BTD: variants seen among roughly 807,000 people sequenced by gnomAD.
BTD encodes biocytinase.
A neutral mutation model predicts 17.7 loss-of-function variants in BTD; 13 were observed. That is an observed-to-expected ratio of 0.74 (90% CI 0.48 to 1.17). The LOEUF is 1.17. Ranked by LOEUF, BTD falls within the 50% of genes most tolerant of loss-of-function variation. The pLI, the probability that BTD is intolerant of heterozygous loss-of-function variation, is 0.00. For missense variants in BTD, 674 were observed against 650.4 expected, an observed-to-expected ratio of 1.04 and a Z score of -0.39; for synonymous variants, 240 against 245.2, an observed-to-expected ratio of 0.98 and a Z score of 0.20.
chr3:15,630,059 T>C (rs1168890264), intron 1 of BTD: 1 of 985,360 alleles, frequency 1.0e-6, no homozygotes, highest in Non-Finnish European at 1.2e-6. Flanking sequence ...CGTCACTTTT[T>C]ACATCCAGTC....
chr3:15,605,139 A>G (rs2064407601), intron 1 of BTD, among the ~76,000 whole-genome samples: 1 of 152,186 alleles, frequency 6.6e-6, no homozygotes, highest in Non-Finnish European at 1.5e-5. Flanking sequence ...CCCTTTTCAT[A>G]CTGCTATGAA....
At chr3:15,639,867 TG>T (rs2065451200) in intron 2 of BTD, among the ~76,000 whole-genome samples, 1 of 152,174 alleles carries the variant, frequency 6.6e-6, no homozygotes, top group Non-Finnish European at 1.5e-5. Context: ...CCCAGCATTT[TG>T]GGGGTCCAAA....
rs185225945 is a variant in BTD at position 15,644,742 on chromosome 3, G to T, written c.826G>T (p.Val276Phe). 5.6e-6 allele frequency: 9 copies of T among 1,614,180 alleles called. No homozygotes were observed. The highest frequency in any genetic ancestry group is 7.6e-6 in the Non-Finnish European group (9 of 1,180,040). Residue 276 changes from valine to phenylalanine, a missense_variant, in exon 4 of 4, where the codon GTT becomes TTT. Coordinates refer to ENST00000643237, the MANE Select transcript of BTD (RefSeq NM_001370658.1). ...TTTTGCTGTTGCCTTTGGCATCAACGTTCTGGCAGCTAATGTCCACCACCC... is the reference window on the plus strand; with the variant it reads ...TTTTGCTGTTGCCTTTGGCATCAACTTTCTGGCAGCTAATGTCCACCACCC... ...KAFAVAFGIN[V>F]LAANVHHPVL...
intron 4 of BTD, among the ~76,000 whole-genome samples, chr3:15,717,974 GA>G (rs1048936606): frequency 1.3e-5 from 2 of 151,966 alleles, no homozygotes; most frequent in Non-Finnish European, 2.9e-5. Flanking sequence ...GATTAAGCAG[GA>G]AAAAAGAGAT....
chr3:15,638,012 G>T (rs2065397704), intron 2 of BTD, among the ~76,000 whole-genome samples: 1 of 152,122 alleles, frequency 6.6e-6, no homozygotes, highest in East Asian at 1.9e-4. Context: ...GTGGTTATAT[G>T]TTTTTTGTTT....
At chr3:15,608,856 C>T (rs2064535456) in intron 1 of BTD, among the ~76,000 whole-genome samples, 1 of 151,962 alleles carries the variant, frequency 6.6e-6, no homozygotes, top group Non-Finnish European at 1.5e-5. Context: ...AAGCAGCTAT[C>T]ACCCATGTAA....
chr3:15,721,066 T>C (rs760881016), intron 4 of BTD: 4 of 1,613,778 alleles, frequency 2.5e-6, no homozygotes, highest in Middle Eastern at 1.6e-4. Flanking sequence ...CACTACAACA[T>C]CTTGTCCATT....
At chr3:15,694,251 A>G (rs968175809) in intron 3 of BTD, among the ~76,000 whole-genome samples, 6 of 152,220 alleles carry the variant, frequency 3.9e-5, no homozygotes, top group African/African-American at 9.6e-5. Flanking sequence ...TGGAAGGGAC[A>G]TAACAGACAA....
chr3:15,655,426 A>G (rs1182459972), downstream of BTD, among the ~76,000 whole-genome samples: 3 of 152,236 alleles, frequency 2.0e-5, no homozygotes, highest in Non-Finnish European at 4.4e-5. Flanking sequence ...CTGGCCCCTG[A>G]AAATTGTTTC....
Position 15,650,352 on chromosome 3 carries a change from G to A in BTD, c.*4864G>A, listed in dbSNP as rs1447874701. The stretch of plus-strand genomic sequence containing the variant: ...TGAAATTACCAATATATGAACTCTA[G>A]GCATCATGCATATATAATTTTTTGT... On this transcript the variant is annotated 3_prime_UTR_variant, in exon 4 of 4. Transcript: ENST00000643237. Among the ~76,000 whole-genome samples, 2 of 151,686 alleles carry A rather than the reference G, an allele frequency of 1.3e-5. No homozygotes were observed. Among genetic ancestry groups the A allele is most frequent in the East Asian group, 4.0e-4 (2 of 5,028 alleles).
chr3:15,709,783 A>G (rs375375052), intron 3 of BTD: 2 of 1,297,716 alleles, frequency 1.5e-6, no homozygotes, highest in African/African-American at 3.0e-5. Flanking sequence ...CAGTGATTTT[A>G]TAATGAAATT....
intron 1 of BTD, among the ~76,000 whole-genome samples, chr3:15,610,298 C>T (rs962706703): frequency 3.3e-5 from 5 of 152,208 alleles, no homozygotes; most frequent in Non-Finnish European, 5.9e-5. Flanking sequence ...TGGACTTCTT[C>T]ATTGGATGGC....
intron 3 of BTD, among the ~76,000 whole-genome samples, chr3:15,703,197 T>C (rs2070871369): frequency 6.6e-6 from 1 of 152,104 alleles, no homozygotes; most frequent in African/African-American, 2.4e-5. Context: ...ATCAGATACA[T>C]AGGAATAAAT....
At position 15,673,661 on chromosome 3, in the gene BTD, T is replaced by C. The variant is rs746100071; in HGVS notation, c.399+31604T>C. 5.2e-4 allele frequency among the ~76,000 whole-genome samples: 79 copies of C among 152,238 alleles called. 1 individual carries two copies. Among genetic ancestry groups the C allele is most frequent in the Admixed American group, 3.3e-4 (5 of 15,290 alleles). Reference sequence around the variant, plus strand: ...TAAAGAATAGTTAGAATATGCTTCATTGAGAAGATGAAACTGGAGCTAAGA... The same window carrying C: ...TAAAGAATAGTTAGAATATGCTTCACTGAGAAGATGAAACTGGAGCTAAGA... On this transcript the variant is annotated intron_variant, in intron 3 of 3. Coordinates refer to the BTD transcript ENST00000672141.
intron 3 of BTD, among the ~76,000 whole-genome samples, chr3:15,687,801 G>A (rs1206709111): frequency 6.6e-6 from 1 of 152,170 alleles, no homozygotes; most frequent in African/African-American, 2.4e-5. Flanking sequence ...AGAAGAACTT[G>A]TTTGGCCCAT....
chr3:15,643,493 C>T (rs1455702570), intron 3 of BTD, among the ~76,000 whole-genome samples: 1 of 151,406 alleles, frequency 6.6e-6, no homozygotes, highest in African/African-American at 2.4e-5. Context: ...AGAGCCAGAC[C>T]CTGCCTCAAA....
chr3:15,679,606 T>C (rs1206414466), intron 3 of BTD: 2 of 1,498,016 alleles, frequency 1.3e-6, no homozygotes, highest in African/African-American at 1.4e-5. Flanking sequence ...TCAAAGGAGA[T>C]ACTGGCAAAA....
At chr3:15,666,669 T>G (rs949007142) in intron 3 of BTD, among the ~76,000 whole-genome samples, 1 of 138,160 alleles carries the variant, frequency 7.2e-6, no homozygotes, top group Admixed American at 7.6e-5. Context: ...TGTTTCCAAT[T>G]AGCTCTCTTG....
chr3:15,609,342 T>C (rs544147898), intron 1 of BTD, among the ~76,000 whole-genome samples: 1 of 152,284 alleles, frequency 6.6e-6, no homozygotes, highest in East Asian at 1.9e-4. Context: ...GTAACCACTA[T>C]CTTGAATTTG....
Sources: allele counts gnomAD v4.1 joint callset (sites outside exome capture counted in the v4.1 genomes callset), GRCh38; gene constraint gnomAD v4.1.1; transcripts MANE v1.5; gene names NCBI Gene and HGNC (gene_info 2026-07-23, HGNC 2026-07-21).